NAALADL2: variants seen among roughly 807,000 people sequenced by gnomAD.
The protein encoded by NAALADL2 is N-acetylated alpha-linked acidic dipeptidase like 2, also known as inactive N-acetylated-alpha-linked acidic dipeptidase-like protein 2.
In NAALADL2, 76 loss-of-function variants were observed where a neutral mutation model predicts 87.2. That is an observed-to-expected ratio of 0.87 (90% CI 0.72 to 1.05). The LOEUF (loss-of-function observed/expected upper bound fraction) is 1.05. Among genes scored for constraint, NAALADL2 ranks in the 50% least tolerant of loss-of-function variants. NAALADL2 has a pLI of 0.00. For synonymous variants in NAALADL2, 354 were observed against 331.0 expected (o/e 1.07, Z -0.75); for missense variants, 1,089 against 945.8 (o/e 1.15, Z -1.99).
intron 2 of NAALADL2, among the ~76,000 whole-genome samples, chr3:175,111,003 G>A (rs1400162459): frequency 6.6e-6 from 1 of 151,638 alleles, no homozygotes; most frequent in African/African-American, 2.4e-5. Context: ...TTACTCTAGT[G>A]TCTAGTTTAG....
chr3:175,004,092 T>C (rs537938834), intron 1 of NAALADL2, among the ~76,000 whole-genome samples: 9 of 152,194 alleles, frequency 5.9e-5, no homozygotes, highest in African/African-American at 1.9e-4. Flanking sequence ...AAACATAGCA[T>C]TGGCCAGGAA....
At chr3:174,972,839 A>C (rs1743870090) in intron 1 of NAALADL2, among the ~76,000 whole-genome samples, 1 of 151,988 alleles carries the variant, frequency 6.6e-6, no homozygotes, top group East Asian at 1.9e-4. Context: ...CTAAAAAAAA[A>C]TACAAAATTA....
In NAALADL2 at chr3:175,467,112, A is replaced by G. The variant is rs1312538437; in HGVS notation, c.1461A>G (p.Pro487=). The part of the protein sequence containing the change: ...LMSKVKRGWR[P]DRTIVFCSWG... ...CAAAAGTTAAGAGAGGGTGGAGACCAGACCGAACTATTGTTTTCTGTTCTT... is the reference window on the plus strand; with the variant it reads ...CAAAAGTTAAGAGAGGGTGGAGACCGGACCGAACTATTGTTTTCTGTTCTT... Residue 487 remains proline, a synonymous_variant, in exon 8 of 14, where the codon CCA becomes CCG. Transcript: ENST00000454872. The G allele has an allele frequency of 3.1e-6, 5 of 1,613,840 alleles. No individual in the cohort carries two copies. The highest frequency in any genetic ancestry group is 4.2e-6 in the Non-Finnish European group (5 of 1,179,846).
chr3:175,305,227 G>GGTGT lies in NAALADL2; in HGVS notation c.940-18935_940-18932dup, dbSNP rs547744658. Among the ~76,000 whole-genome samples the GGTGT allele has an allele frequency of 2.0e-4, 29 of 147,482 alleles. No homozygotes were observed. In the East Asian group the frequency reaches 5.7e-3, roughly 29 times the overall value. Reference sequence around the variant, plus strand: ...AGAATATTTTGTAAAATGCTTACATGGTGTGTGTGTGTGTGTTTGTGTATG... The same window carrying GGTGT: ...AGAATATTTTGTAAAATGCTTACATGGTGTGTGTGTGTGTGTGTGTTTGTGTATG... On this transcript the variant is annotated intron_variant, in intron 4 of 13. Transcript: ENST00000454872.
At chr3:175,520,814 A>G (rs749317880) in intron 9 of NAALADL2, among the ~76,000 whole-genome samples, 1 of 152,230 alleles carries the variant, frequency 6.6e-6, no homozygotes, top group Non-Finnish European at 1.5e-5. Context: ...AATGCAGAGC[A>G]TTAGAAGAGA....
rs1004532487 is a variant in NAALADL2, at chr3:174,873,142, A to G, written c.43+13692A>G. 2.6e-5 allele frequency among the ~76,000 whole-genome samples: 4 copies of G among 152,100 alleles called. No homozygotes were observed. In the South Asian group the frequency reaches 8.3e-4, roughly 32 times the overall value. On this transcript the variant is annotated intron_variant, in intron 1 of 13. Transcript: ENST00000454872. ...GGCTCTAGATGTAATGGTTTGCATT[A>G]ATCTATTTAACTTAGTTTTATGTAA... is the stretch of plus-strand genomic sequence containing the variant.
intron 11 of NAALADL2, among the ~76,000 whole-genome samples, chr3:175,692,752 G>A (rs368429214): frequency 6.6e-6 from 1 of 152,234 alleles, no homozygotes; most frequent in Non-Finnish European, 1.5e-5. Flanking sequence ...TAAGTTCTCC[G>A]TGCTCTCATT....
At position 175,587,289 on chromosome 3, in the gene NAALADL2, A is replaced by G. The variant is rs144814498; in HGVS notation, c.1800+11102A>G. Among the ~76,000 whole-genome samples, 6 of 152,336 alleles carry G rather than the reference A, an allele frequency of 3.9e-5. No individual in the cohort carries two copies. In the East Asian group the frequency reaches 9.6e-4, roughly 24 times the overall value. Reference sequence around the variant, plus strand: ...CTACTCCCAGTGCTTTTAAACTCCTATATGTTTTATTCTTGCTCTTGCTTC... The same window carrying G: ...CTACTCCCAGTGCTTTTAAACTCCTGTATGTTTTATTCTTGCTCTTGCTTC... On this transcript the variant is annotated intron_variant, in intron 10 of 13. Transcript: ENST00000454872.
At chr3:174,498,755 T>C (rs1486652352) in intron 1 of NAALADL2, among the ~76,000 whole-genome samples, 4 of 151,942 alleles carry the variant, frequency 2.6e-5, no homozygotes, top group African/African-American at 9.7e-5. Context: ...TAACACTTCC[T>C]ATGGTGTGGT....
chr3:175,630,138 T>C (rs1727557314), intron 11 of NAALADL2, among the ~76,000 whole-genome samples: 1 of 151,790 alleles, frequency 6.6e-6, no homozygotes, highest in Non-Finnish European at 1.5e-5. Flanking sequence ...AATTGTGCTT[T>C]ACAAGATCAG....
chr3:175,674,259 TGTTTGTTTTG>T (rs1734428312), intron 11 of NAALADL2, among the ~76,000 whole-genome samples: 3 of 148,522 alleles, frequency 2.0e-5, no homozygotes, highest in Admixed American at 6.7e-5. Context: ...TTTTTTTTTT[TGTTTGTTTTG>T]TTTTTTTTGA....
chr3:175,579,037 C>G (rs139106116), intron 10 of NAALADL2, among the ~76,000 whole-genome samples: 11 of 152,300 alleles, frequency 7.2e-5, no homozygotes, highest in African/African-American at 2.6e-4. Context: ...TATCTCTGCA[C>G]TCACTTTAGT....
intron 5 of NAALADL2, among the ~76,000 whole-genome samples, chr3:175,406,831 G>A (rs1326493334): frequency 6.6e-6 from 1 of 150,468 alleles, no homozygotes; most frequent in African/African-American, 2.4e-5. Context: ...TCATTCTTTT[G>A]TTATGGCTTC....
chr3:174,569,835 CTTGCTTGTTT>C (rs1714717302), intron 2 of NAALADL2, among the ~76,000 whole-genome samples: 4 of 152,020 alleles, frequency 2.6e-5, no homozygotes, highest in Admixed American at 2.6e-4. Context: ...TACAGCTTCC[CTTGCTTGTTT>C]TTGCTCAGCC....
chr3:175,140,148 C>T (rs1372665090), intron 2 of NAALADL2, among the ~76,000 whole-genome samples: 1 of 152,074 alleles, frequency 6.6e-6, no homozygotes, highest in African/African-American at 2.4e-5. Context: ...CCCTCCGTGC[C>T]TAGTTTCTGA....
chr3:175,422,572 G>A (rs1287221600), intron 5 of NAALADL2, among the ~76,000 whole-genome samples: 1 of 151,576 alleles, frequency 6.6e-6, no homozygotes, highest in Non-Finnish European at 1.5e-5. Context: ...TCTCCACAAA[G>A]GTAGAAGAGA....
chr3:175,406,035 C>A lies in NAALADL2; in HGVS notation c.1091-41194C>A, dbSNP rs140409993. Among the ~76,000 whole-genome samples, 25 of 152,230 alleles carry A rather than the reference C, an allele frequency of 1.6e-4. No individual in the cohort carries two copies. In the South Asian group the frequency reaches 5.0e-3, roughly 30 times the overall value. ...TTGGTAATAAATAGGACAGACAAGG[C>A]GCTTACCCTCATGGAGTTTATAGCC... On this transcript the variant is annotated intron_variant, in intron 5 of 13. Transcript: ENST00000454872.
intron 9 of NAALADL2, among the ~76,000 whole-genome samples, chr3:175,551,726 G>A (rs536857374): frequency 1.3e-5 from 2 of 152,034 alleles, no homozygotes; most frequent in East Asian, 1.9e-4. Flanking sequence ...GGTGAACCCC[G>A]TCTACACTAA....
chr3:175,069,814 A>G (rs1456593797), intron 1 of NAALADL2, among the ~76,000 whole-genome samples: 3 of 150,186 alleles, frequency 2.0e-5, no homozygotes, highest in African/African-American at 7.3e-5. Flanking sequence ...CATATACACC[A>G]TGGAATACTA....
Sources: gnomAD v4.1 joint callset for allele counts (sites outside exome capture counted in the v4.1 genomes callset) on GRCh38, gnomAD v4.1.1 for gene constraint, MANE v1.5 for transcripts, NCBI Gene and HGNC (gene_info 2026-07-23, HGNC 2026-07-21) for gene names.